MYO3A: variants seen among roughly 807,000 people sequenced by gnomAD.
The protein encoded by MYO3A is myosin-IIIa.
MYO3A carries 180 observed loss-of-function variants against 192.7 expected under a neutral mutation model. The ratio of observed to expected loss-of-function variants is 0.93; its 90% CI spans 0.83 to 1.06. MYO3A has a LOEUF of 1.06. Ranked by LOEUF, MYO3A falls within the 50% of genes least tolerant of loss-of-function variation. The pLI, the probability that MYO3A is intolerant of heterozygous loss-of-function variation, is 0.00. For missense variants in MYO3A, 1,896 were observed against 1,905.0 expected (o/e 1.00, Z 0.09); for synonymous variants, 628 against 645.3 (o/e 0.97, Z 0.41).
intron 23 of MYO3A, among the ~76,000 whole-genome samples, chr10:26,149,220 C>T (rs1342319): frequency 0.51 from 77,644 of 150,992 alleles, 20,255 homozygotes; most frequent in Middle Eastern, 0.59. Context: ...GGTTGTTTTT[C>T]GTTTGTTTGT....
intron 2 of MYO3A, among the ~76,000 whole-genome samples, chr10:25,937,788 T>G (rs1320356442): frequency 6.6e-6 from 1 of 152,248 alleles, no homozygotes; most frequent in Non-Finnish European, 1.5e-5. Flanking sequence ...GTATTTCCTC[T>G]TTGCAAAACA....
chr10:26,005,655 A>G (rs973381335), intron 6 of MYO3A, among the ~76,000 whole-genome samples: 10 of 152,154 alleles, frequency 6.6e-5, no homozygotes, highest in African/African-American at 2.4e-4. Flanking sequence ...TTTCTTGCCA[A>G]CTTTTCTCTA....
intron 10 of MYO3A, among the ~76,000 whole-genome samples, chr10:26,044,106 C>T (rs1003540318): frequency 1.2e-4 from 18 of 152,280 alleles, no homozygotes; most frequent in African/African-American, 4.3e-4. Flanking sequence ...CTAGACATGT[C>T]ATTTGGGAAC....
At chr10:26,165,984 GCA>G in intron 26 of MYO3A, 81 bp from the exon 27 acceptor site, 7 of 1,109,746 alleles carry the variant, frequency 6.3e-6, no homozygotes, top group Non-Finnish European at 9.7e-6. Flanking sequence ...CTCAGCCCCT[GCA>G]CTAAGTTGTT....
intron 17 of MYO3A, among the ~76,000 whole-genome samples, chr10:26,107,315 A>G (rs933940041): frequency 1.3e-5 from 2 of 151,940 alleles, no homozygotes; most frequent in African/African-American, 4.8e-5. Flanking sequence ...CCCCGTCTCT[A>G]CTCAAAATAC....
intron 32 of MYO3A, among the ~76,000 whole-genome samples, chr10:26,193,960 C>A (rs968806714): frequency 1.3e-5 from 2 of 152,148 alleles, no homozygotes; most frequent in African/African-American, 2.4e-5. Flanking sequence ...TGTTCCTGTT[C>A]TCTATAAATG....
In MYO3A at chr10:26,070,210, G is replaced by A. The variant is rs1367136195; in HGVS notation, c.1270G>A (p.Asp424Asn). The A allele has an allele frequency of 1.2e-6, 2 of 1,607,370 alleles. No individual in the cohort carries two copies. Among genetic ancestry groups the A allele is most frequent in the Non-Finnish European group, 1.7e-6 (2 of 1,174,262 alleles). ...GYQSMITYNS[D>N]QCIVISGESG... ...TCAATCTATGATAACATATAATTCA[G>A]ATCAGGTAAGAAGAGTCTCCCATTC... The change falls in exon 13 of 35, where the codon GAT (aspartate) becomes AAT (asparagine). Residue 424 changes from aspartate (D) to asparagine (N), a missense_variant. Coordinates refer to ENST00000642920, the MANE Select transcript of MYO3A (RefSeq NM_017433.5).
chr10:26,068,857 T>C lies in MYO3A; in HGVS notation c.1143T>C (p.Phe381=), dbSNP rs926365190. The C allele has an allele frequency of 6.3e-7, 1 of 1,593,726 alleles. No homozygotes were observed. The highest frequency in any genetic ancestry group is 8.6e-7 in the Non-Finnish European group (1 of 1,161,538). The change falls in exon 12 of 35, where the codon TTT becomes TTC. Residue 381 remains phenylalanine (F), a synonymous_variant. Transcript: ENST00000642920. ...ACATACTCATTGCTCTTAACCCTTT[T>C]CAGAGTCTGGGTCTTTACTCCACAA... is the stretch of plus-strand genomic sequence containing the variant. ...VGDILIALNP[F]QSLGLYSTKH...
At chr10:25,949,087 T>C (rs999605558) in intron 2 of MYO3A, among the ~76,000 whole-genome samples, 2 of 152,132 alleles carry the variant, frequency 1.3e-5, no homozygotes, top group African/African-American at 4.8e-5. Context: ...AATAAACTGC[T>C]TTTCACCTGG....
chr10:26,208,806 G>A (rs1844093866), intron 34 of MYO3A, among the ~76,000 whole-genome samples: 1 of 152,072 alleles, frequency 6.6e-6, no homozygotes, highest in Non-Finnish European at 1.5e-5. Flanking sequence ...CCATCTGCAG[G>A]CTACGTTCTA....
At position 26,055,376 on chromosome 10, in the gene MYO3A, G is replaced by C. The variant is rs367808987; in HGVS notation, c.954-11599G>C. On this transcript the variant is annotated intron_variant, in intron 10 of 34. Transcript: ENST00000642920. ...CAACAACTCTTAATTGGATCCATCA[G>C]AGAATAAGGTTACAGGGTAAACCAC... Among the ~76,000 whole-genome samples, 6 of 152,028 alleles carry C rather than the reference G, an allele frequency of 3.9e-5. No homozygotes were observed. The South Asian group carries it at 1.0e-3, about 26-fold the overall frequency.
rs763671145 is a variant in MYO3A, at chr10:26,096,497, GC to G, written c.1661+19del. Reference sequence around the variant, plus strand: ...CCTCCCAGGTAATCTACCAGGTTGAGCTTTCATCAATAATACTTTCACTTTT... The same window carrying G: ...CCTCCCAGGTAATCTACCAGGTTGAGTTTCATCAATAATACTTTCACTTTT... On this transcript the variant is annotated intron_variant, in intron 16 of 34. Coordinates refer to ENST00000642920, the MANE Select transcript of MYO3A (RefSeq NM_017433.5). 18 of 1,606,018 alleles carry G rather than the reference GC, an allele frequency of 1.1e-5. No homozygotes were observed. The East Asian group carries it at 2.7e-4, about 24-fold the overall frequency.
At chr10:26,176,590 G>A in intron 30 of MYO3A, 111 bp from the exon 31 acceptor site, 1 of 962,448 alleles carries the variant, frequency 1.0e-6, no homozygotes, top group Non-Finnish European at 1.6e-6. Flanking sequence ...CCCTGGAGAG[G>A]AACATGAGAG....
At chr10:25,949,644 C>T (rs7087639) in intron 2 of MYO3A, among the ~76,000 whole-genome samples, 1,854 of 152,126 alleles carry the variant, frequency 0.012, 51 homozygotes, top group African/African-American at 0.042. Flanking sequence ...TATAGTAATA[C>T]AATTTTTAGC....
At chr10:26,159,277 A>G (rs908125102) in intron 26 of MYO3A, among the ~76,000 whole-genome samples, 2 of 151,216 alleles carry the variant, frequency 1.3e-5, no homozygotes, top group Non-Finnish European at 2.9e-5. Context: ...GGCATGAGCC[A>G]CTGTGCCTGG....
chr10:25,973,377 T>C (rs894141710), intron 4 of MYO3A, among the ~76,000 whole-genome samples: 1 of 152,166 alleles, frequency 6.6e-6, no homozygotes, highest in African/African-American at 2.4e-5. Flanking sequence ...TAAGGAGTTT[T>C]TGGGCCAAGA....
chr10:26,203,158 T>A lies in MYO3A; in HGVS notation c.4730+51T>A, dbSNP rs1264603813. Reference sequence around the variant, plus strand: ...TCATTTGCAGTTTTATACTCACAATTTCATTTCTTAAGATATTTCACTTTA... The same window carrying A: ...TCATTTGCAGTTTTATACTCACAATATCATTTCTTAAGATATTTCACTTTA... On this transcript the variant is annotated intron_variant, in intron 34 of 34. Transcript: ENST00000642920. The A allele has an allele frequency of 3.8e-6, 6 of 1,571,894 alleles. No homozygotes were observed. The African/African-American group carries it at 5.4e-5, about 14-fold the overall frequency.
At chr10:26,087,798 T>A (rs942966806) in intron 14 of MYO3A, among the ~76,000 whole-genome samples, 1 of 152,196 alleles carries the variant, frequency 6.6e-6, no homozygotes, top group African/African-American at 2.4e-5. Context: ...CTTTCCTCTC[T>A]TAGTTTCAGG....
In MYO3A at chr10:26,120,715, A is replaced by G. The variant is rs1838811727; in HGVS notation, c.1816A>G (p.Asn606Asp). ...SIYSILAAIL[N>D]VGNIEFSSVA... is the part of the protein sequence containing the mutation. Reference sequence around the variant, plus strand: ...ATACAGCATACTCGCTGCAATCTTGAATGTTGGCAACATTGAATTTTCTTC... The same window carrying G: ...ATACAGCATACTCGCTGCAATCTTGGATGTTGGCAACATTGAATTTTCTTC... The change falls in exon 18 of 35, where the codon AAT becomes GAT. Residue 606 changes from asparagine to aspartate, a missense_variant. Asn to Asp is a conservative substitution (Grantham distance 23). Transcript: ENST00000642920. 1 of 1,614,104 alleles carries G rather than the reference A, an allele frequency of 6.2e-7. No homozygotes were observed. The highest frequency in any genetic ancestry group is 8.5e-7 in the Non-Finnish European group (1 of 1,179,988).
Sources: allele counts gnomAD v4.1 joint callset (sites outside exome capture counted in the v4.1 genomes callset), GRCh38; gene constraint gnomAD v4.1.1; transcripts MANE v1.5; gene names NCBI Gene and HGNC (gene_info 2026-07-23, HGNC 2026-07-21).